The following TGFA variants were observed in gnomAD, a reference collection of about 807,000 sequenced individuals.
TGFA encodes the protein protransforming growth factor alpha.
In TGFA, 12 loss-of-function variants were observed where a neutral mutation model predicts 21.7. The ratio of observed to expected loss-of-function variants is 0.55; its 90% CI spans 0.35 to 0.90. TGFA has a LOEUF of 0.90. TGFA is among the 40% of genes least tolerant of loss of function. The probability of loss-of-function intolerance (pLI) is 0.01; values close to 1 mark genes in which losing one functional copy is unlikely to be tolerated. For missense variants in TGFA, 178 were observed against 210.8 expected (o/e 0.84, Z 0.96); for synonymous variants, 79 against 88.1 (o/e 0.90, Z 0.58).
intron 1 of TGFA, among the ~76,000 whole-genome samples, chr2:70,535,284 T>G (rs1490973479): frequency 6.6e-6 from 1 of 152,130 alleles, no homozygotes; most frequent in Non-Finnish European, 1.5e-5. Context: ...CCATGATCTA[T>G]AAAAAATTCA....
chr2:70,549,913 A>T (rs1388826041), intron 1 of TGFA, among the ~76,000 whole-genome samples: 1 of 152,246 alleles, frequency 6.6e-6, no homozygotes, highest in Admixed American at 6.5e-5. Flanking sequence ...TAAGGCTTCC[A>T]TATACAGCTT....
intron 2 of TGFA, among the ~76,000 whole-genome samples, chr2:70,497,069 A>G (rs1364453563): frequency 5.3e-5 from 8 of 152,222 alleles, no homozygotes; most frequent in Admixed American, 5.2e-4. Flanking sequence ...AGGAGGAGCA[A>G]GTGCAAAGCC....
intron 1 of TGFA, among the ~76,000 whole-genome samples, chr2:70,544,754 A>C (rs1242275357): frequency 1.3e-5 from 2 of 152,222 alleles, no homozygotes; most frequent in Non-Finnish European, 2.9e-5. Flanking sequence ...TTAGCATATG[A>C]AAATAAACCA....
At chr2:70,465,561 T>C (rs1441299709) in intron 3 of TGFA, 55 bp downstream of exon 3, 4 of 1,606,284 alleles carry the variant, frequency 2.5e-6, no homozygotes, top group African/African-American at 2.7e-5. Context: ...GCTCTTCTAA[T>C]TGGATATTGG....
intron 2 of TGFA, among the ~76,000 whole-genome samples, chr2:70,471,755 TTAACC>T (rs1161131673): frequency 6.6e-6 from 1 of 152,160 alleles, no homozygotes; most frequent in Non-Finnish European, 1.5e-5. Flanking sequence ...GCGGCCTGCT[TTAACC>T]TAAGTAGTCT....
rs545073586 is a variant in TGFA, at chr2:70,515,253, C to A, written c.41-341G>T. Among the ~76,000 whole-genome samples the A allele has an allele frequency of 4.6e-5, 7 of 152,220 alleles. No homozygotes were observed. The South Asian group carries it at 1.5e-3, about 32-fold the overall frequency. ...TTTTATGGTGGGAAAATATACGTAA[C>A]ATAAAATTTACCATTTCAACCATTT... On this transcript the variant is annotated intron_variant, in intron 1 of 5. Coordinates refer to ENST00000295400, the MANE Select transcript of TGFA (RefSeq NM_003236.4).
chr2:70,509,308 G>C (rs1672022298), intron 2 of TGFA, among the ~76,000 whole-genome samples: 2 of 152,180 alleles, frequency 1.3e-5, no homozygotes, highest in African/African-American at 4.8e-5. Flanking sequence ...TAACCAGATT[G>C]CTTGCTTGCT....
Position 70,553,636 on chromosome 2 carries a change from G to C in TGFA, c.40+92C>G, listed in dbSNP as rs539352062. ...TCGCTTCTCTCCACTCTCCCAGGCG[G>C]GCGCAGAAACCCCCGGAAAGGGGAA... On this transcript the variant is annotated intron_variant, in intron 1 of 5. Transcript: ENST00000295400. The C allele has an allele frequency of 6.6e-5, 86 of 1,307,066 alleles. No homozygotes were observed. In the East Asian group the frequency reaches 2.0e-3, roughly 30 times the overall value. The allele number at this position is 1,307,066 out of a possible 1,614,324, so 81.0% of individuals were successfully genotyped here. A position where few individuals can be genotyped will look rare whatever the true frequency, so the allele number is the denominator to read the frequency against.
chr2:70,500,021 T>A (rs557833896), intron 2 of TGFA, among the ~76,000 whole-genome samples: 2 of 152,354 alleles, frequency 1.3e-5, no homozygotes, highest in South Asian at 4.1e-4. Context: ...TAGTGTTACT[T>A]CAATAAACAA....
intron 4 of TGFA, among the ~76,000 whole-genome samples, chr2:70,454,378 C>T (rs1268353264): frequency 6.6e-6 from 1 of 152,358 alleles, no homozygotes; most frequent in African/African-American, 2.4e-5. Flanking sequence ...TGAGACCTTC[C>T]TGCCCAAGCT....
chr2:70,538,745 G>T (rs187439058), intron 1 of TGFA, among the ~76,000 whole-genome samples: 1 of 152,188 alleles, frequency 6.6e-6, no homozygotes, highest in Non-Finnish European at 1.5e-5. Context: ...TGGTGAAGAT[G>T]CTGTGAACAT....
At chr2:70,467,648 A>G (rs1553492533) in intron 2 of TGFA, 1 of 143,048 alleles carries the variant, frequency 7.0e-6, no homozygotes, top group Non-Finnish European at 1.6e-5. Flanking sequence ...AGTCTTGCCC[A>G]CTTAGTTTTT....
chr2:70,543,077 T>A (rs1276482614), intron 1 of TGFA, among the ~76,000 whole-genome samples: 1 of 152,040 alleles, frequency 6.6e-6, no homozygotes, highest in African/African-American at 2.4e-5. Context: ...CACTCCAGCC[T>A]GGGTAACAAG....
intron 1 of TGFA, among the ~76,000 whole-genome samples, chr2:70,541,414 G>T (rs1405415062): frequency 1.3e-5 from 2 of 152,182 alleles, no homozygotes; most frequent in Non-Finnish European, 2.9e-5. Context: ...CTGTATCCTT[G>T]CCCAGAAAGA....
intron 2 of TGFA, among the ~76,000 whole-genome samples, chr2:70,510,897 T>G (rs1672076886): frequency 6.6e-6 from 1 of 152,044 alleles, no homozygotes; most frequent in African/African-American, 2.4e-5. Context: ...TCCCAGCACT[T>G]TGGGAGGCCA....
intron 1 of TGFA, among the ~76,000 whole-genome samples, chr2:70,543,308 T>C (rs946839209): frequency 5.3e-5 from 8 of 150,484 alleles, no homozygotes; most frequent in African/African-American, 2.0e-4. Flanking sequence ...CAGGTGGATC[T>C]CTTGAGTCCA....
At chr2:70,517,041 C>A (rs1364547007) in intron 1 of TGFA, among the ~76,000 whole-genome samples, 2 of 152,198 alleles carry the variant, frequency 1.3e-5, no homozygotes, top group African/African-American at 2.4e-5. Context: ...CACTGATGAG[C>A]ACCACTGCTC....
intron 2 of TGFA, among the ~76,000 whole-genome samples, chr2:70,495,681 A>T (rs1671552510): frequency 6.6e-6 from 1 of 152,116 alleles, no homozygotes; most frequent in Non-Finnish European, 1.5e-5. Flanking sequence ...TCTCCAGTAT[A>T]TTTTTTATTG....
chr2:70,521,270 T>C (rs1216748943), intron 1 of TGFA, among the ~76,000 whole-genome samples: 1 of 152,130 alleles, frequency 6.6e-6, no homozygotes, highest in Non-Finnish European at 1.5e-5. Flanking sequence ...CTAGACCTCG[T>C]TTCCACCTAA....
Sources: gnomAD v4.1 joint callset for allele counts (sites outside exome capture counted in the v4.1 genomes callset) on GRCh38, gnomAD v4.1.1 for gene constraint, MANE v1.5 for transcripts, NCBI Gene and HGNC (gene_info 2026-07-23, HGNC 2026-07-21) for gene names.